COPE: variants seen among roughly 807,000 people sequenced by gnomAD.
COPE encodes the protein coatomer subunit epsilon.
In COPE, 19 loss-of-function variants were observed where a neutral mutation model predicts 42.1. The ratio of observed to expected loss-of-function variants is 0.45; its 90% CI spans 0.31 to 0.66. The LOEUF (loss-of-function observed/expected upper bound fraction) is 0.66. Among genes scored for constraint, COPE ranks in the 30% least tolerant of loss-of-function variants. The pLI, the probability that COPE is intolerant of heterozygous loss-of-function variation, is 0.05. For synonymous variants in COPE, 195 were observed against 181.3 expected (o/e 1.08, Z -0.60); for missense variants, 402 against 416.1 (o/e 0.97, Z 0.30).
In COPE at chr19:18,912,993, G is replaced by A; in HGVS notation, c.180C>T (p.Tyr60=). The A allele has an allele frequency of 1.9e-6, 3 of 1,611,956 alleles. No homozygotes were observed. The highest frequency in any genetic ancestry group is 2.5e-6 in the Non-Finnish European group (3 of 1,179,890). ...CAAGGCCCGCACTCACCTGCGCCAG[G>A]TACGCTCTATACAGGAAGACGTCCC... is the stretch of plus-strand genomic sequence containing the variant. The part of the protein sequence containing the change: ...VERDVFLYRA[Y]LAQRKFGVVL... The change falls in exon 2 of 10, where the codon TAC becomes TAT. Residue 60 remains tyrosine, a synonymous_variant. Transcript: ENST00000262812.
chr19:18,916,113 A>T (rs867311532), intron 1 of COPE, among the ~76,000 whole-genome samples: 6 of 152,120 alleles, frequency 3.9e-5, no homozygotes, highest in African/African-American at 1.4e-4. Context: ...TGAACCCAGG[A>T]GGCAGAGGTT....
intron 7 of COPE, among the ~76,000 whole-genome samples, chr19:18,900,779 C>G (rs1159643280): frequency 6.6e-6 from 1 of 152,186 alleles, no homozygotes; most frequent in African/African-American, 2.4e-5. Flanking sequence ...GTACAACGAA[C>G]CCCGAGGCCA....
At position 18,919,354 on chromosome 19, in the gene COPE, T is replaced by A; in HGVS notation, c.-6A>T. 2 of 1,613,456 alleles carry A rather than the reference T, an allele frequency of 1.2e-6. No individual in the cohort carries two copies. The highest frequency in any genetic ancestry group is 8.5e-7 in the Non-Finnish European group (1 of 1,179,926). On this transcript the variant is annotated 5_prime_UTR_variant, in exon 1 of 10. Transcript: ENST00000262812. ...CCGGGGGCCGGAGGCGCCATTTCGCTGTCTTCTCACCAGCTCCTCTTCCTG... is the reference window on the plus strand; with the variant it reads ...CCGGGGGCCGGAGGCGCCATTTCGCAGTCTTCTCACCAGCTCCTCTTCCTG...
chr19:18,903,472 T>C, intron 6 of COPE, 49 bp from the exon 7 acceptor site: 2 of 1,548,592 alleles, frequency 1.3e-6, no homozygotes, highest in Non-Finnish European at 8.7e-7. Flanking sequence ...TGCCCGGCCC[T>C]TCCCCCGCCA....
intron 3 of COPE, 37 bp downstream of exon 3, chr19:18,910,934 C>T (rs1216102760): frequency 3.2e-6 from 5 of 1,587,226 alleles, no homozygotes; most frequent in Non-Finnish European, 4.3e-6. Context: ...TGAAGATGGC[C>T]CCGCGCCTCA....
chr19:18,910,134 G>A (rs970600122), intron 3 of COPE, among the ~76,000 whole-genome samples: 11 of 152,236 alleles, frequency 7.2e-5, no homozygotes, highest in South Asian at 6.2e-4. Context: ...CCCTCACTCC[G>A]ACCCCACAGC....
Position 18,909,968 on chromosome 19 carries a change from C to A in COPE, c.290+1003G>T, listed in dbSNP as rs547496341. 4.6e-5 allele frequency among the ~76,000 whole-genome samples: 7 copies of A among 152,302 alleles called. No individual in the cohort carries two copies. The East Asian group carries it at 7.7e-4, about 17-fold the overall frequency. On this transcript the variant is annotated intron_variant, in intron 3 of 9. Coordinates refer to ENST00000262812, the MANE Select transcript of COPE (RefSeq NM_007263.4). ...GCATGTGGGATAGGATATGGACGTA[C>A]CTTTTGGGGGACACCATTCACCCCA...
At chr19:18,900,541 G>C (rs1196474652) in intron 7 of COPE, 92 bp from the exon 8 acceptor site, 4 of 981,436 alleles carry the variant, frequency 4.1e-6, no homozygotes, top group African/African-American at 1.6e-5. Context: ...ACCACACAAG[G>C]TCACCTCCTC....
rs1186707301 is a variant in COPE at position 18,905,562 on chromosome 19, G to A, written c.497+14C>T. Reference sequence around the variant, plus strand: ...TGTGGCTCAGTGCGGGTGGAGAGGGGCAGGAGGGCTCACCGGGCGAGGTCC... The same window carrying A: ...TGTGGCTCAGTGCGGGTGGAGAGGGACAGGAGGGCTCACCGGGCGAGGTCC... On this transcript the variant is annotated intron_variant, in intron 5 of 9. Coordinates refer to ENST00000262812, the MANE Select transcript of COPE (RefSeq NM_007263.4). 1 of 1,587,474 alleles carries A rather than the reference G, an allele frequency of 6.3e-7. No individual in the cohort carries two copies. Among genetic ancestry groups the A allele is most frequent in the Non-Finnish European group, 8.5e-7 (1 of 1,175,040 alleles).
At chr19:18,902,335 T>A (rs752561976) in intron 7 of COPE, among the ~76,000 whole-genome samples, 5 of 150,804 alleles carry the variant, frequency 3.3e-5, no homozygotes, top group Non-Finnish European at 7.4e-5. Context: ...AAAATATATA[T>A]ATATTTTTAA....
chr19:18,903,578 G>A (rs951967723), intron 6 of COPE, among the ~76,000 whole-genome samples, 155 bp from the exon 7 acceptor site: 12 of 152,344 alleles, frequency 7.9e-5, no homozygotes, highest in East Asian at 1.9e-4. Flanking sequence ...GGGACTACCC[G>A]TAACTTGTAC....
chr19:18,911,141 GGA>G, intron 2 of COPE, 70 bp from the exon 3 acceptor site: 1 of 1,430,250 alleles, frequency 7.0e-7, no homozygotes, highest in Non-Finnish European at 9.9e-7. Flanking sequence ...AGCTTGGCAG[GGA>G]GAGCCCCAGA....
chr19:18,919,117 G>T (rs2056887094), intron 1 of COPE, 106 bp downstream of exon 1: 2 of 1,264,552 alleles, frequency 1.6e-6, no homozygotes, highest in Admixed American at 2.1e-5. Flanking sequence ...CCCAAAAAAC[G>T]CGAGAAGAAA....
At chr19:18,916,422 G>A (rs191121035) in intron 1 of COPE, among the ~76,000 whole-genome samples, 56 of 152,274 alleles carry the variant, frequency 3.7e-4, no homozygotes, top group Non-Finnish European at 7.4e-4. Flanking sequence ...GGGAGGCTGA[G>A]GCGGGCAGAT....
chr19:18,915,980 G>C (rs2056850324), intron 1 of COPE, among the ~76,000 whole-genome samples: 1 of 152,200 alleles, frequency 6.6e-6, no homozygotes, highest in African/African-American at 2.4e-5. Flanking sequence ...GGTTGCTCAG[G>C]CCACTGTCAT....
At chr19:18,913,852 T>G (rs2056832078) in intron 1 of COPE, among the ~76,000 whole-genome samples, 1 of 152,174 alleles carries the variant, frequency 6.6e-6, no homozygotes, top group Non-Finnish European at 1.5e-5. Context: ...CTGCCAGCTG[T>G]CAAGGCACAG....
intron 1 of COPE, among the ~76,000 whole-genome samples, chr19:18,917,871 A>AG (rs879548249): frequency 1.3e-5 from 2 of 152,090 alleles, no homozygotes; most frequent in Admixed American, 6.6e-5. Flanking sequence ...AAAGCAGAGT[A>AG]GGGGGGTATG....
Position 18,907,012 on chromosome 19 carries a change from G to C in COPE, c.391C>G (p.Gln131Glu). The C allele has an allele frequency of 1.3e-6, 2 of 1,593,086 alleles. No homozygotes were observed. Among genetic ancestry groups the C allele is most frequent in the Non-Finnish European group, 1.7e-6 (2 of 1,170,294 alleles). Residue 131 changes from glutamine (Q) to glutamate (E), a missense_variant, in exon 4 of 10, where the codon CAG (glutamine) becomes GAG (glutamate). Transcript: ENST00000262812. Reference sequence around the variant, plus strand: ...GCACGCAGGGCGGCATCCGGGTTCTGGTCGTGGAGATAGATGGAGGCGGCC... The same window carrying C: ...GCACGCAGGGCGGCATCCGGGTTCTCGTCGTGGAGATAGATGGAGGCGGCC... ...LMAASIYLHD[Q>E]NPDAALRALH...
chr19:18,910,819 A>T (rs2056802481), intron 3 of COPE, 152 bp downstream of exon 3: 2 of 658,924 alleles, frequency 3.0e-6, no homozygotes, highest in Non-Finnish European at 5.4e-6. Context: ...AGGGAAACTG[A>T]GGCACAAAGC....
Sources: gnomAD v4.1 joint callset for allele counts (sites outside exome capture counted in the v4.1 genomes callset) on GRCh38, gnomAD v4.1.1 for gene constraint, MANE v1.5 for transcripts, NCBI Gene and HGNC (gene_info 2026-07-23, HGNC 2026-07-21) for gene names.